KYNU: variants seen among roughly 807,000 people sequenced by gnomAD.
The protein encoded by KYNU is kynureninase.
Under a neutral mutation model 59.2 loss-of-function variants are expected in KYNU, and 54 were observed. That is an observed-to-expected ratio of 0.91 (90% CI 0.73 to 1.14). The LOEUF is 1.14. Among genes scored for constraint, KYNU ranks in the 50% most tolerant of loss-of-function variants. The pLI, the probability that KYNU is intolerant of heterozygous loss-of-function variation, is 0.00. For synonymous variants in KYNU, 177 were observed against 192.0 expected, an observed-to-expected ratio of 0.92 and a Z score of 0.65; for missense variants, 567 against 554.4, an observed-to-expected ratio of 1.02 and a Z score of -0.23.
At position 142,885,338 on chromosome 2, in the gene KYNU, TTC is replaced by T. The variant is rs765139447; in HGVS notation, c.-19-7_-19-6del. The T allele has an allele frequency of 3.1e-6, 5 of 1,609,070 alleles. No homozygotes were observed. Among genetic ancestry groups the T allele is most frequent in the Admixed American group, 1.7e-5 (1 of 59,888 alleles). On this transcript the variant is annotated splice_polypyrimidine_tract_variant and intron_variant, in intron 1 of 13. Transcript: ENST00000264170. ...ATGGTGGCTAGATTATGTTTTATTA[TTC>T]TCTTTCAGTTTTAGAGAACAACTTG...
intron 8 of KYNU, among the ~76,000 whole-genome samples, chr2:142,976,819 A>G (rs1182875152): frequency 6.6e-6 from 1 of 152,180 alleles, no homozygotes; most frequent in Non-Finnish European, 1.5e-5. Flanking sequence ...ATACATCAGT[A>G]AATACATACC....
At chr2:142,975,370 C>T in intron 8 of KYNU, among the ~76,000 whole-genome samples, 1 of 152,186 alleles carries the variant, frequency 6.6e-6, no homozygotes, top group East Asian at 1.9e-4. Flanking sequence ...ACTGAGATCC[C>T]ACCTCCATCA....
chr2:142,970,174 A>G (rs1684676685), intron 8 of KYNU, among the ~76,000 whole-genome samples: 1 of 152,204 alleles, frequency 6.6e-6, no homozygotes, highest in African/African-American at 2.4e-5. Flanking sequence ...TATTTATACA[A>G]ACAAGATTAG....
chr2:142,908,864 G>A (rs909382930), intron 2 of KYNU, among the ~76,000 whole-genome samples: 1 of 152,106 alleles, frequency 6.6e-6, no homozygotes, highest in African/African-American at 2.4e-5. Flanking sequence ...TTGATCTCCT[G>A]ACCTCGTGAT....
chr2:142,933,192 A>C (rs560550866), intron 4 of KYNU, among the ~76,000 whole-genome samples: 247 of 152,276 alleles, frequency 1.6e-3, no homozygotes, highest in Middle Eastern at 3.4e-3. Flanking sequence ...CCAAGAACTG[A>C]GGCTTTAAGC....
chr2:142,973,434 C>G (rs1010231394), intron 8 of KYNU, among the ~76,000 whole-genome samples: 1 of 152,150 alleles, frequency 6.6e-6, no homozygotes, highest in African/African-American at 2.4e-5. Flanking sequence ...AGGGAAGCCC[C>G]AATACACTGG....
intron 2 of KYNU, among the ~76,000 whole-genome samples, chr2:142,909,405 T>C (rs1158898028): frequency 1.3e-5 from 2 of 152,204 alleles, no homozygotes; most frequent in African/African-American, 4.8e-5. Context: ...GTTTGTTATA[T>C]GGGTAAACTG....
intron 8 of KYNU, among the ~76,000 whole-genome samples, chr2:142,982,590 A>G (rs1685081052): frequency 6.6e-6 from 1 of 152,104 alleles, no homozygotes; most frequent in African/African-American, 2.4e-5. Flanking sequence ...CTAAAACAGA[A>G]TGGAGTCAGA....
At chr2:142,949,099 G>A (rs6716717) in intron 4 of KYNU, among the ~76,000 whole-genome samples, 12,125 of 152,260 alleles carry the variant, frequency 0.08, 1,416 homozygotes, top group African/African-American at 0.26. Context: ...TTGATTCCAT[G>A]TCTCGCATCT....
chr2:142,946,648 T>C lies in KYNU; in HGVS notation c.374-8162T>C, dbSNP rs1225372676. 3.3e-5 allele frequency among the ~76,000 whole-genome samples: 5 copies of C among 152,214 alleles called. No homozygotes were observed. In the East Asian group the frequency reaches 9.6e-4, roughly 29 times the overall value. ...TGTCCAGGCTTTGTCGTTTCACTTA[T>C]AAAGCACAGGAAGAGTAGATTAAGC... On this transcript the variant is annotated intron_variant, in intron 4 of 13. Transcript: ENST00000264170.
chr2:142,933,611 G>C (rs1683295230), intron 4 of KYNU, among the ~76,000 whole-genome samples: 1 of 152,150 alleles, frequency 6.6e-6, no homozygotes, highest in African/African-American at 2.4e-5. Flanking sequence ...AGGTGACTAA[G>C]GGGGTGCATA....
chr2:142,973,074 A>T (rs1398664048), intron 8 of KYNU, among the ~76,000 whole-genome samples: 1 of 150,018 alleles, frequency 6.7e-6, no homozygotes, highest in African/African-American at 2.4e-5. Context: ...ATATATTTAT[A>T]TATAAACTAA....
At chr2:143,004,824 G>T (rs545089262) in intron 10 of KYNU, among the ~76,000 whole-genome samples, 85 of 152,262 alleles carry the variant, frequency 5.6e-4, no homozygotes, top group African/African-American at 2.0e-3. Context: ...TTAGAGTGAT[G>T]AAATCATATC....
rs985933143 is a variant in KYNU at position 142,929,291 on chromosome 2, T to C, written c.373+1550T>C. 9.1e-5 allele frequency among the ~76,000 whole-genome samples: 13 copies of C among 142,914 alleles called. No homozygotes were observed. In the Admixed American group the frequency reaches 9.7e-4, roughly 11 times the overall value. 93.8% of individuals were successfully genotyped at this position (142,914 alleles called of 152,430 possible). On this transcript the variant is annotated intron_variant, in intron 4 of 13. Transcript: ENST00000264170. ...CTAAACTGCAGAGGACAAAATAGAA[T>C]GCCAAAGGAGATGATAATAATATCT...
intron 2 of KYNU, among the ~76,000 whole-genome samples, chr2:142,886,904 CTCACGCCTGTAA>C (rs1681533851): frequency 6.6e-6 from 1 of 152,182 alleles, no homozygotes; most frequent in African/African-American, 2.4e-5. Flanking sequence ...GGCGCGGTGG[CTCACGCCTGTAA>C]TCCCAGCACT....
chr2:143,048,961 T>A lies in KYNU; in HGVS notation c.*6789T>A, dbSNP rs948991662. ...TCTTTGTCTTTAATGATCCGCATTT[T>A]TATTATGATGTGTCTAGGCAGTTAT... On this transcript the variant is annotated 3_prime_UTR_variant, in exon 14 of 14. Coordinates refer to ENST00000264170, the MANE Select transcript of KYNU (RefSeq NM_003937.3). 2.6e-5 allele frequency: 4 copies of A among 152,222 alleles called. No homozygotes were observed. The highest frequency in any genetic ancestry group is 6.5e-5 in the Admixed American group (1 of 15,278). 9.4% of individuals were successfully genotyped at this position (152,222 alleles called of 1,614,324 possible).
chr2:143,019,307 C>A (rs1317942983), intron 10 of KYNU, among the ~76,000 whole-genome samples: 5 of 152,032 alleles, frequency 3.3e-5, no homozygotes, highest in Admixed American at 1.3e-4. Flanking sequence ...GGGTGTATTT[C>A]TTCTATAACC....
intron 1 of KYNU, among the ~76,000 whole-genome samples, chr2:142,882,987 A>G (rs1303503904): frequency 2.6e-5 from 4 of 152,038 alleles, no homozygotes; most frequent in African/African-American, 9.7e-5. Context: ...CCTCTCCAGC[A>G]CCTGTTGTTT....
intron 8 of KYNU, among the ~76,000 whole-genome samples, chr2:142,963,682 C>G (rs965679912): frequency 1.3e-5 from 2 of 152,142 alleles, no homozygotes; most frequent in African/African-American, 4.8e-5. Context: ...AACATTTAGA[C>G]CGTAGCATCC....
Sources: allele counts gnomAD v4.1 joint callset (sites outside exome capture counted in the v4.1 genomes callset), GRCh38; gene constraint gnomAD v4.1.1; transcripts MANE v1.5; gene names NCBI Gene and HGNC (gene_info 2026-07-23, HGNC 2026-07-21).